INSR: variants seen among roughly 807,000 people sequenced by gnomAD.
INSR encodes the protein insulin receptor.
In INSR, 67 loss-of-function variants were observed where a neutral mutation model predicts 142.6. That is an observed-to-expected ratio of 0.47 (90% CI 0.39 to 0.58). The LOEUF is 0.58. Ranked by LOEUF, INSR falls within the 20% of genes least tolerant of loss-of-function variation. The probability of loss-of-function intolerance (pLI) is 0.00; values close to 1 mark genes in which losing one functional copy is unlikely to be tolerated. For missense variants in INSR, 1,248 were observed against 1,833.2 expected, an observed-to-expected ratio of 0.68 and a Z score of 5.83; for synonymous variants, 756 against 743.1, an observed-to-expected ratio of 1.02 and a Z score of -0.28.
Position 7,267,644 on chromosome 19 carries a change from T to C in INSR, c.353A>G (p.Tyr118Cys). 6.2e-7 allele frequency: 1 copy of C among 1,613,884 alleles called. No homozygotes were observed. ...VIRGSRLFFN[Y>C]ALVIFEMVHL... is the part of the protein sequence containing the mutation. ...AACCATCTCGAAGATGACCAGCGCGTAGTTAAAGAACAGTCGTGATCCCCG... is the reference window on the plus strand; with the variant it reads ...AACCATCTCGAAGATGACCAGCGCGCAGTTAAAGAACAGTCGTGATCCCCG... The change falls in exon 2 of 22, where the codon TAC becomes TGC. Residue 118 changes from tyrosine (Y) to cysteine (C), a missense_variant. This residue lies in a region of INSR where 1,069 missense variants were observed against 1,654.0 expected (regional missense o/e 0.65). Transcript: ENST00000302850. This position sits in a 1 kb window ranked among gnomAD's most constrained non-coding sequence, Gnocchi z 6.3.
intron 2 of INSR, among the ~76,000 whole-genome samples, chr19:7,205,754 G>T (rs1600013461): frequency 6.6e-6 from 1 of 152,156 alleles, no homozygotes; most frequent in African/African-American, 2.4e-5. Context: ...GGTGGGCATT[G>T]TGGTGCACAC....
At position 7,216,765 on chromosome 19, in the gene INSR, T is replaced by C. The variant is rs896790438; in HGVS notation, c.653-32128A>G. ...GGTGCTGGGTTTCTCACCGTATCCA[T>C]TTCCCATTGCTGCTGTCACAAACGC... On this transcript the variant is annotated intron_variant, in intron 2 of 21. Transcript: ENST00000302850. This position sits in a 1 kb window ranked among gnomAD's most constrained non-coding sequence, Gnocchi z 4.2. Among the ~76,000 whole-genome samples, 1 of 152,208 alleles carries C rather than the reference T, an allele frequency of 6.6e-6. No homozygotes were observed. The highest frequency in any genetic ancestry group is 1.5e-5 in the Non-Finnish European group (1 of 68,042).
chr19:7,205,924 A>G (rs1975094913), intron 2 of INSR, among the ~76,000 whole-genome samples: 1 of 152,062 alleles, frequency 6.6e-6, no homozygotes, highest in Admixed American at 6.6e-5. Flanking sequence ...CACAGCTTCA[A>G]TAGCCAGCAC....
chr19:7,223,173 A>T (rs1036901252), intron 2 of INSR, among the ~76,000 whole-genome samples: 1 of 152,130 alleles, frequency 6.6e-6, no homozygotes, highest in Non-Finnish European at 1.5e-5. Context: ...ACAGAGTGAG[A>T]CTCTGTCTCA....
intron 19 of INSR, among the ~76,000 whole-genome samples, chr19:7,121,872 G>A (rs2144802835): frequency 6.6e-6 from 1 of 152,372 alleles, no homozygotes; most frequent in East Asian, 1.9e-4. Flanking sequence ...GCCAGGCACA[G>A]TGGCTCATGC....
intron 7 of INSR, among the ~76,000 whole-genome samples, chr19:7,167,298 C>T (rs1203930662): frequency 1.3e-5 from 2 of 152,072 alleles, no homozygotes; most frequent in Non-Finnish European, 2.9e-5. Context: ...TACTACTGGT[C>T]AGGTGCGGTG....
intron 2 of INSR, among the ~76,000 whole-genome samples, chr19:7,266,908 T>A (rs1202072001): frequency 6.6e-6 from 1 of 152,154 alleles, no homozygotes. Flanking sequence ...AGAACTAAAC[T>A]ATTTTTTTAA....
At chr19:7,118,327 T>C (rs1431988507) in intron 21 of INSR, among the ~76,000 whole-genome samples, 1 of 151,888 alleles carries the variant, frequency 6.6e-6, no homozygotes, top group African/African-American at 2.4e-5. Flanking sequence ...TGTGTCTGTG[T>C]TTGTTTTTGA....
At chr19:7,153,496 A>ACACTACATGCACACCT (rs1352385592) in intron 9 of INSR, among the ~76,000 whole-genome samples, 26 of 118,504 alleles carry the variant, frequency 2.2e-4, no homozygotes, top group Admixed American at 6.0e-4. Flanking sequence ...CACCACACAC[A>ACACTACATGCACACCT]CACACAGTGA....
intron 2 of INSR, among the ~76,000 whole-genome samples, chr19:7,224,132 CGG>C (rs1379220273): frequency 6.6e-6 from 1 of 151,602 alleles, no homozygotes; most frequent in African/African-American, 2.4e-5. Context: ...TTAGTAGAGA[CGG>C]GGTTTCACCA....
chr19:7,293,383 G>T (rs1968548652), intron 1 of INSR, among the ~76,000 whole-genome samples: 1 of 152,178 alleles, frequency 6.6e-6, no homozygotes, highest in Non-Finnish European at 1.5e-5. Flanking sequence ...CACCATATGC[G>T]CTCGGGGGAC....
At chr19:7,196,038 C>G in intron 2 of INSR, among the ~76,000 whole-genome samples, 1 of 151,888 alleles carries the variant, frequency 6.6e-6, no homozygotes, top group Middle Eastern at 3.4e-3. Context: ...CAGGTTCAAG[C>G]GAACCTCCTG....
intron 9 of INSR, among the ~76,000 whole-genome samples, chr19:7,158,670 A>T (rs1189261520): frequency 6.6e-6 from 1 of 152,076 alleles, no homozygotes; most frequent in Non-Finnish European, 1.5e-5. Flanking sequence ...AGTTCTGGAG[A>T]TGATGGTGGT....
In INSR at chr19:7,222,117, A is replaced by G. The variant is rs558989527; in HGVS notation, c.653-37480T>C. ...GAAAGCTAGAAGACACTCTGAGCCT[A>G]TGTCCTCGGTAAAAAAAAAAAAAAA... On this transcript the variant is annotated intron_variant, in intron 2 of 21. Transcript: ENST00000302850. Among the ~76,000 whole-genome samples, 6 of 111,788 alleles carry G rather than the reference A, an allele frequency of 5.4e-5. No individual in the cohort carries two copies. The South Asian group carries it at 1.6e-3, about 31-fold the overall frequency. The allele number at this position is 111,788 out of a possible 152,430, so 73.3% of individuals were successfully genotyped here.
At chr19:7,275,076 A>G (rs1435259488) in intron 1 of INSR, among the ~76,000 whole-genome samples, 1 of 151,746 alleles carries the variant, frequency 6.6e-6, no homozygotes, top group East Asian at 2.0e-4. Flanking sequence ...CCTGGGTTCA[A>G]GTGATTCTCC....
At chr19:7,210,370 T>A (rs372185890) in intron 2 of INSR, among the ~76,000 whole-genome samples, 2 of 140,202 alleles carry the variant, frequency 1.4e-5, no homozygotes, top group African/African-American at 2.6e-5. Flanking sequence ...TAAACAAGAG[T>A]GTCTCCTCTC....
intron 2 of INSR, among the ~76,000 whole-genome samples, chr19:7,218,526 T>TTTTTTCTGTTTGTTTGTTTTGTTGG (rs1975505934): frequency 1.3e-5 from 2 of 151,836 alleles, no homozygotes; most frequent in African/African-American, 2.4e-5. Flanking sequence ...TGTTTTGTTG[T>TTTTTTCTGTTTGTTTGTTTTGTTGG]TTTTTTCTGT....
intron 2 of INSR, among the ~76,000 whole-genome samples, chr19:7,228,260 GA>G (rs1975849678): frequency 6.6e-6 from 1 of 152,184 alleles, no homozygotes; most frequent in African/African-American, 2.4e-5. Context: ...CACTCTGCTG[GA>G]AAATTGAGGC....
At position 7,125,216 on chromosome 19, in the gene INSR, G is replaced by A. The variant is rs941067487; in HGVS notation, c.3258+67C>T. The A allele has an allele frequency of 5.0e-6, 8 of 1,595,578 alleles. No individual in the cohort carries two copies. The African/African-American group carries it at 6.7e-5, about 13-fold the overall frequency. ...CCTGTGTCCTCTGTCGCTCTGTGCAGGAGGAGGAGGCAGAGAAAGGGAAGG... is the reference window on the plus strand; with the variant it reads ...CCTGTGTCCTCTGTCGCTCTGTGCAAGAGGAGGAGGCAGAGAAAGGGAAGG... On this transcript the variant is annotated intron_variant, in intron 17 of 21. Coordinates refer to ENST00000302850, the MANE Select transcript of INSR (RefSeq NM_000208.4). This position sits in a 1 kb window ranked among gnomAD's most constrained non-coding sequence, Gnocchi z 4.9.
Sources: allele counts gnomAD v4.1 joint callset (sites outside exome capture counted in the v4.1 genomes callset), GRCh38; gene constraint gnomAD v4.1.1; regional missense constraint gnomAD v4.1.1; non-coding constraint Gnocchi (gnomAD v3.1); transcripts MANE v1.5; gene names NCBI Gene and HGNC (gene_info 2026-07-23, HGNC 2026-07-21).